The following PAK4 variants were observed in gnomAD, a reference collection of about 807,000 sequenced individuals.
PAK4 encodes the protein p21 (RAC1) activated kinase 4.
A neutral mutation model predicts 53.5 loss-of-function variants in PAK4; 49 were observed. That is an observed-to-expected ratio of 0.92 (90% CI 0.73 to 1.16). The LOEUF (loss-of-function observed/expected upper bound fraction) is 1.16. Ranked by LOEUF, PAK4 falls within the 50% of genes most tolerant of loss-of-function variation. The pLI is 0.00. For synonymous variants in PAK4, 376 were observed against 375.6 expected (o/e 1.00, Z -0.01); for missense variants, 824 against 850.7 (o/e 0.97, Z 0.39).
At chr19:39,139,253 C>T (rs1012602944) in intron 1 of PAK4, among the ~76,000 whole-genome samples, 3 of 148,020 alleles carry the variant, frequency 2.0e-5, no homozygotes, top group Non-Finnish European at 4.6e-5. Flanking sequence ...AGCTGGTGAT[C>T]AGCCGCACGG....
intron 1 of PAK4, among the ~76,000 whole-genome samples, chr19:39,147,874 G>T (rs1317406483): frequency 5.1e-5 from 4 of 78,496 alleles, no homozygotes; most frequent in African/African-American, 1.1e-4. Flanking sequence ...TTGCTGTTGA[G>T]TTTTGAGTTT....
chr19:39,129,157 CCTCAG>C (rs764808880), intron 1 of PAK4, among the ~76,000 whole-genome samples: 12 of 152,254 alleles, frequency 7.9e-5, no homozygotes, highest in South Asian at 6.2e-4. Context: ...TATCCTCCCA[CCTCAG>C]CCTCTGGAGT....
At chr19:39,137,509 G>A (rs1048282561) in intron 1 of PAK4, among the ~76,000 whole-genome samples, 2 of 152,276 alleles carry the variant, frequency 1.3e-5, no homozygotes, top group African/African-American at 4.8e-5. Flanking sequence ...GGTGAGGGGG[G>A]CACCAATGCT....
At position 39,142,205 on chromosome 19, in the gene PAK4, G is replaced by A. The variant is rs140091820; in HGVS notation, c.-23+16286G>A. Among the ~76,000 whole-genome samples, 921 of 152,292 alleles carry A rather than the reference G, an allele frequency of 6.0e-3. 11 individuals are homozygous for A. The highest frequency in any genetic ancestry group is 0.021 in the African/African-American group (876 of 41,550). On this transcript the variant is annotated intron_variant, in intron 1 of 8. Coordinates refer to ENST00000358301, the Ensembl canonical transcript of PAK4. ...TTTCTACAGGCGACCTAGGCCATTT[G>A]TCCTGGAGTTTTGCAGTCTGGGGCC...
intron 1 of PAK4, among the ~76,000 whole-genome samples, chr19:39,149,989 A>G (rs2074066822): frequency 6.6e-6 from 1 of 151,614 alleles, no homozygotes; most frequent in African/African-American, 2.4e-5. Context: ...AATGATAAAC[A>G]TGTTTGAATA....
chr19:39,181,059 GTCAC>G (rs1030338792), downstream of PAK4: 4 of 151,950 alleles, frequency 2.6e-5, no homozygotes, highest in East Asian at 1.9e-4. Context: ...GGTGCCTTCA[GTCAC>G]TCACTGCAGG....
chr19:39,145,184 G>A (rs2145164193), intron 1 of PAK4, among the ~76,000 whole-genome samples: 1 of 152,104 alleles, frequency 6.6e-6, no homozygotes. Context: ...CCACCCTCAG[G>A]CCCGCTGCCC....
At chr19:39,143,609 A>AAAAAAG (rs2073948622) in intron 1 of PAK4, among the ~76,000 whole-genome samples, 3 of 145,246 alleles carry the variant, frequency 2.1e-5, no homozygotes, top group Non-Finnish European at 4.6e-5. Flanking sequence ...AAAAAAAAAA[A>AAAAAAG]AAAAAAAAAA....
Position 39,173,345 on chromosome 19 carries a change from C to G in PAK4, c.632C>G (p.Ala211Gly). The change falls in exon 3 of 9, where the codon GCT becomes GGT. Residue 211 changes from alanine (A) to glycine (G), a missense_variant. This residue lies in a region of PAK4 where 478 missense variants were observed against 435.8 expected (regional missense o/e 1.10). Transcript: ENST00000358301. This position sits in a 1 kb window ranked among gnomAD's most constrained non-coding sequence, Gnocchi z 6.9. ...CGGCCCTTTAACACCTACCCGAGGG[C>G]TGACACGGACCACCCATCCCGGGGT... is the stretch of plus-strand genomic sequence containing the variant. 6.4e-7 allele frequency: 1 copy of G among 1,556,124 alleles called. No individual in the cohort carries two copies. The highest frequency in any genetic ancestry group is 8.7e-7 in the Non-Finnish European group (1 of 1,148,586).
intron 1 of PAK4, among the ~76,000 whole-genome samples, chr19:39,142,417 T>C (rs2073925201): frequency 6.6e-6 from 1 of 152,160 alleles, no homozygotes; most frequent in South Asian, 2.1e-4. Flanking sequence ...CAAGTTCAGT[T>C]TTCAAGTAAA....
chr19:39,173,875 G>A lies in PAK4; in HGVS notation c.963G>A (p.Leu321=). 6.2e-7 allele frequency: 1 copy of A among 1,612,750 alleles called. No individual in the cohort carries two copies. The highest frequency in any genetic ancestry group is 8.5e-7 in the Non-Finnish European group (1 of 1,179,834). ...ACCCAGGCGACCCCCGCTCCTACCT[G>A]GACAACTTCATCAAGATTGGCGAGG... The change falls in exon 4 of 9, where the codon CTG becomes CTA. Residue 321 remains leucine, a synonymous_variant. Transcript: ENST00000358301. This position sits in a 1 kb window ranked among gnomAD's most constrained non-coding sequence, Gnocchi z 6.9.
At chr19:39,172,524 C>T (rs1239471860) in intron 2 of PAK4, among the ~76,000 whole-genome samples, 1 of 152,112 alleles carries the variant, frequency 6.6e-6, no homozygotes, top group African/African-American at 2.4e-5. Context: ...AAGTGCCAGG[C>T]CAGGCCCTGG....
chr19:39,177,477 G>C (rs1239540062), intron 7 of PAK4, among the ~76,000 whole-genome samples, 198 bp from the exon 9 acceptor site: 1 of 152,144 alleles, frequency 6.6e-6, no homozygotes, highest in Non-Finnish European at 1.5e-5. Context: ...GTGGGTGCTG[G>C]GGGGGCAGCT....
At chr19:39,142,950 G>A (rs1227810173) in intron 1 of PAK4, among the ~76,000 whole-genome samples, 2 of 152,018 alleles carry the variant, frequency 1.3e-5, no homozygotes, top group Non-Finnish European at 2.9e-5. Context: ...CTCCCTTCCA[G>A]CCACTCGGAT....
At chr19:39,158,006 A>AT (rs1446709685) in intron 1 of PAK4, among the ~76,000 whole-genome samples, 1 of 152,012 alleles carries the variant, frequency 6.6e-6, no homozygotes, top group African/African-American at 2.4e-5. Context: ...GGGATCATGC[A>AT]TGTGTGTATG....
At chr19:39,127,724 G>A (rs1484736360) in intron 1 of PAK4, among the ~76,000 whole-genome samples, 1 of 152,200 alleles carries the variant, frequency 6.6e-6, no homozygotes. Flanking sequence ...ACAAGACTGC[G>A]TCTCTGCAAA....
chr19:39,135,411 C>T (rs2073793990), intron 1 of PAK4, among the ~76,000 whole-genome samples: 1 of 144,422 alleles, frequency 6.9e-6, no homozygotes, highest in Admixed American at 7.2e-5. Context: ...TCTCAGCTCA[C>T]TGCAACCTCC....
intron 2 of PAK4, among the ~76,000 whole-genome samples, chr19:39,171,995 G>T (rs982314568): frequency 2.0e-5 from 3 of 152,252 alleles, no homozygotes; most frequent in African/African-American, 7.2e-5. Flanking sequence ...ACAGATGCCT[G>T]TGTGCTCTGT....
chr19:39,135,838 C>T (rs542004389), intron 1 of PAK4, among the ~76,000 whole-genome samples: 2 of 148,876 alleles, frequency 1.3e-5, no homozygotes, highest in African/African-American at 2.4e-5. Context: ...CCCCATCCCT[C>T]GTCTTGTTTC....
Sources: allele counts gnomAD v4.1 joint callset (sites outside exome capture counted in the v4.1 genomes callset), GRCh38; gene constraint gnomAD v4.1.1; regional missense constraint gnomAD v4.1.1; non-coding constraint Gnocchi (gnomAD v3.1); transcripts MANE v1.5; gene names NCBI Gene and HGNC (gene_info 2026-07-23, HGNC 2026-07-21).